The following CAPSL variants were observed in gnomAD, a reference collection of about 807,000 sequenced individuals.
CAPSL encodes the protein calcyphosine like.
Under a neutral mutation model 21.3 loss-of-function variants are expected in CAPSL, and 17 were observed. That is an observed-to-expected ratio of 0.80 (90% CI 0.55 to 1.20). CAPSL has a LOEUF of 1.20. CAPSL is among the 50% of genes most tolerant of loss of function. The pLI is 0.00. For synonymous variants in CAPSL, 102 were observed against 89.3 expected, an observed-to-expected ratio of 1.14 and a Z score of -0.80; for missense variants, 289 against 259.3, an observed-to-expected ratio of 1.11 and a Z score of -0.79.
intron 3 of CAPSL, 108 bp from the exon 4 acceptor site, chr5:35,910,183 T>A (rs1738177931): frequency 1.7e-6 from 2 of 1,148,406 alleles, no homozygotes; most frequent in African/African-American, 3.1e-5. Context: ...AAATAATATT[T>A]GTGTGCTATT....
intron 4 of CAPSL, among the ~76,000 whole-genome samples, chr5:35,907,657 G>T (rs1760709703): frequency 6.6e-6 from 1 of 152,116 alleles, no homozygotes; most frequent in Non-Finnish European, 1.5e-5. Context: ...CAACCTTTAT[G>T]GGTATTTGAG....
At position 35,921,139 on chromosome 5, in the gene CAPSL, ATG is replaced by A. The variant is rs1738528449; in HGVS notation, c.1-21_1-20del. 3.1e-6 allele frequency: 5 copies of A among 1,613,036 alleles called. No individual in the cohort carries two copies. In the East Asian group the frequency reaches 1.1e-4, roughly 36 times the overall value. On this transcript the variant is annotated intron_variant, in intron 1 of 4. Coordinates refer to ENST00000651391, the MANE Select transcript of CAPSL (RefSeq NM_001042625.2). ...CTGCCATCTGAGGGGAAGCCATAGCATGTTAGCAAAGTCCAGGCCTCGCCGCT... is the reference window on the plus strand; with the variant it reads ...CTGCCATCTGAGGGGAAGCCATAGCATTAGCAAAGTCCAGGCCTCGCCGCT...
In CAPSL at chr5:35,904,661, T is replaced by C. The variant is rs372742990; in HGVS notation, c.526-15A>G. 86 of 1,610,348 alleles carry C rather than the reference T, an allele frequency of 5.3e-5. No homozygotes were observed. The highest frequency in any genetic ancestry group is 7.0e-5 in the Non-Finnish European group (83 of 1,179,094). ...TCAGGGGTCACCTGCAGTGGAAAAGTTAGAAACAAAAACGAAACTTTGCTT... is the reference window on the plus strand; with the variant it reads ...TCAGGGGTCACCTGCAGTGGAAAAGCTAGAAACAAAAACGAAACTTTGCTT... On this transcript the variant is annotated splice_polypyrimidine_tract_variant and intron_variant, in intron 4 of 4. Coordinates refer to ENST00000651391, the MANE Select transcript of CAPSL (RefSeq NM_001042625.2).
chr5:35,925,770 A>G (rs1738658309), intron 1 of CAPSL, among the ~76,000 whole-genome samples: 1 of 152,202 alleles, frequency 6.6e-6, no homozygotes, highest in East Asian at 1.9e-4. Context: ...GTCTTCTTAA[A>G]AAACAGGAGA....
At chr5:35,912,841 T>C (rs1738267797) in intron 2 of CAPSL, among the ~76,000 whole-genome samples, 1 of 151,876 alleles carries the variant, frequency 6.6e-6, no homozygotes. Context: ...TCACCAGCAA[T>C]GGAACAAAGC....
intron 1 of CAPSL, among the ~76,000 whole-genome samples, chr5:35,935,270 C>G (rs183708722): frequency 6.6e-6 from 1 of 152,240 alleles, no homozygotes; most frequent in African/African-American, 2.4e-5. Flanking sequence ...CAACTCAACT[C>G]CATCTGTTTG....
intron 4 of CAPSL, among the ~76,000 whole-genome samples, chr5:35,905,696 T>C (rs542188393): frequency 6.6e-6 from 1 of 152,378 alleles, no homozygotes; most frequent in South Asian, 2.1e-4. Flanking sequence ...CCTCTGCTTT[T>C]CAATTCCCTC....
chr5:35,917,106 T>C (rs374434218), intron 2 of CAPSL, among the ~76,000 whole-genome samples: 2 of 151,970 alleles, frequency 1.3e-5, no homozygotes, highest in South Asian at 2.1e-4. Context: ...CCAAAAGACA[T>C]ATGAAAAAAT....
At chr5:35,914,270 C>G (rs1198849063) in intron 2 of CAPSL, among the ~76,000 whole-genome samples, 1 of 152,024 alleles carries the variant, frequency 6.6e-6, no homozygotes. Flanking sequence ...GGAGACTTTA[C>G]CACCCCACTG....
chr5:35,926,088 A>C (rs1055937995), intron 1 of CAPSL, among the ~76,000 whole-genome samples: 3 of 152,022 alleles, frequency 2.0e-5, no homozygotes, highest in Non-Finnish European at 2.9e-5. Context: ...AAAAAAAAAA[A>C]AAAAAACGAA....
At chr5:35,925,545 G>C (rs1352939103) in intron 1 of CAPSL, among the ~76,000 whole-genome samples, 1 of 152,102 alleles carries the variant, frequency 6.6e-6, no homozygotes, top group Non-Finnish European at 1.5e-5. Flanking sequence ...TAGGGAAAGG[G>C]GAATTGTGGG....
At chr5:35,909,710 A>G in intron 4 of CAPSL, 156 bp downstream of exon 4, 1 of 654,734 alleles carries the variant, frequency 1.5e-6, no homozygotes, top group Non-Finnish European at 2.6e-6. Context: ...TCCCCTGGCA[A>G]TGGAGAAGTT....
rs1223984168 is a variant in CAPSL, at chr5:35,920,976, G to A, written c.137+8C>T. 15 of 1,613,204 alleles carry A rather than the reference G, an allele frequency of 9.3e-6. No individual in the cohort carries two copies. The highest frequency in any genetic ancestry group is 1.3e-5 in the Non-Finnish European group (15 of 1,179,690). On this transcript the variant is annotated splice_region_variant and intron_variant, in intron 2 of 4. Coordinates refer to ENST00000651391, the MANE Select transcript of CAPSL (RefSeq NM_001042625.2). ...CTCCATTCCCTGCCACTTGTAGCTG[G>A]GTCCTACCTGCCAAGTCCTTTGATC...
At chr5:35,911,089 AT>A (rs1738209816) in intron 2 of CAPSL, among the ~76,000 whole-genome samples, 2 of 152,264 alleles carry the variant, frequency 1.3e-5, no homozygotes, top group Admixed American at 1.3e-4. Flanking sequence ...AACCCAAAAT[AT>A]AAAAAAGAAA....
At position 35,904,650 on chromosome 5, in the gene CAPSL, C is replaced by T. The variant is rs1561433842; in HGVS notation, c.526-4G>A. ...TCATGAACTCCTCAGGGGTCACCTG[C>T]AGTGGAAAAGTTAGAAACAAAAACG... On this transcript the variant is annotated splice_polypyrimidine_tract_variant and splice_region_variant and intron_variant, in intron 4 of 4. Coordinates refer to ENST00000651391, the MANE Select transcript of CAPSL (RefSeq NM_001042625.2). 1 of 1,611,906 alleles carries T rather than the reference C, an allele frequency of 6.2e-7. No homozygotes were observed. Among genetic ancestry groups the T allele is most frequent in the South Asian group, 1.1e-5 (1 of 90,438 alleles).
chr5:35,917,628 A>G (rs1375093128), intron 2 of CAPSL, among the ~76,000 whole-genome samples: 1 of 152,136 alleles, frequency 6.6e-6, no homozygotes, highest in South Asian at 2.1e-4. Context: ...AAAAAACCAA[A>G]CACCGCATGT....
chr5:35,924,187 A>C (rs1561441789), intron 1 of CAPSL, among the ~76,000 whole-genome samples: 1 of 152,194 alleles, frequency 6.6e-6, no homozygotes, highest in African/African-American at 2.4e-5. Context: ...GCACGGAAAC[A>C]TGACTCACAG....
intron 1 of CAPSL, among the ~76,000 whole-genome samples, chr5:35,936,805 T>C (rs1431610936): frequency 2.0e-5 from 3 of 152,182 alleles, no homozygotes; most frequent in African/African-American, 7.2e-5. Flanking sequence ...TATCCCCTGA[T>C]ACAATGATGA....
At chr5:35,937,425 T>C (rs1738979405) in intron 1 of CAPSL, among the ~76,000 whole-genome samples, 1 of 152,192 alleles carries the variant, frequency 6.6e-6, no homozygotes, top group Non-Finnish European at 1.5e-5. Context: ...AAACACACCA[T>C]AGCATTCTGT....
Sources: gnomAD v4.1 joint callset for allele counts (sites outside exome capture counted in the v4.1 genomes callset) on GRCh38, gnomAD v4.1.1 for gene constraint, MANE v1.5 for transcripts, NCBI Gene and HGNC (gene_info 2026-07-23, HGNC 2026-07-21) for gene names.